PDZD7: variants seen among roughly 807,000 people sequenced by gnomAD.
The protein encoded by PDZD7 is PDZ domain containing 7, also known as PDZ domain-containing protein 7.
A neutral mutation model predicts 84.7 loss-of-function variants in PDZD7; 72 were observed. The observed-to-expected ratio is 0.85, with a 90% CI of 0.70 to 1.03. PDZD7 has a LOEUF of 1.03. Ranked by LOEUF, PDZD7 falls within the 50% of genes least tolerant of loss-of-function variation. The pLI is 0.00. For missense variants in PDZD7, 1,490 were observed against 1,412.9 expected (o/e 1.05, Z -0.87); for synonymous variants, 594 against 580.7 (o/e 1.02, Z -0.33).
chr10:101,011,476 A>T (rs2134002487), intron 14 of PDZD7: 1 of 1,350,206 alleles, frequency 7.4e-7, no homozygotes, highest in South Asian at 1.7e-5. Context: ...TTTAAAAGTG[A>T]GTGGGTTTCA....
rs1315654190 is a variant in PDZD7, at chr10:101,017,888, A to AAAG, written c.1522+208_1522+210dup. 3.1e-4 allele frequency: 62 copies of AAAG among 197,840 alleles called. 1 individual carries two copies. The highest frequency in any genetic ancestry group is 2.2e-3 in the African/African-American group (52 of 23,124). 12.3% of individuals were successfully genotyped at this position (197,840 alleles called of 1,614,324 possible). On this transcript the variant is annotated intron_variant, in intron 9 of 16. Coordinates refer to ENST00000619208, the MANE Select transcript of PDZD7 (RefSeq NM_001195263.2). Reference sequence around the variant, plus strand: ...GAAAGAAAGAAAGAAAGAAAGAAAGAAAGAAAAGAAAGAAAGAAAGAAAGA... The same window carrying AAAG: ...GAAAGAAAGAAAGAAAGAAAGAAAGAAAGAAGAAAAGAAAGAAAGAAAGAAAGA...
intron 12 of PDZD7, 41 bp downstream of exon 12, chr10:101,012,125 TC>T (rs1276801730): frequency 6.5e-7 from 1 of 1,542,144 alleles, no homozygotes; most frequent in East Asian, 2.5e-5. Flanking sequence ...GTACCAGGGA[TC>T]CCCTTCCTGC....
At chr10:101,013,693 G>A (rs1037959311) in intron 11 of PDZD7, among the ~76,000 whole-genome samples, 3 of 152,178 alleles carry the variant, frequency 2.0e-5, no homozygotes, top group African/African-American at 4.8e-5. Flanking sequence ...AAACCTATGC[G>A]GCGGCCGTGG....
Position 101,015,728 on chromosome 10 carries a change from C to A in PDZD7, c.1657G>T (p.Ala553Ser), listed in dbSNP as rs1852590394. ...ATGAGGGGCCGCCGGCTCTCCCAGG[C>A]CTGAACCTGCTCATCCACATTAGGC... ...QLPNVDEQVQ[A>S]WESRRPLIQD... is the part of the protein sequence containing the mutation. Residue 553 changes from alanine (A) to serine (S), a missense_variant, in exon 11 of 17, where the codon GCC becomes TCC. Physicochemically the swap from Ala to Ser is moderately conservative, Grantham distance 99. Coordinates refer to ENST00000619208, the MANE Select transcript of PDZD7 (RefSeq NM_001195263.2). 3 of 1,550,274 alleles carry A rather than the reference C, an allele frequency of 1.9e-6. No homozygotes were observed. The highest frequency in any genetic ancestry group is 3.9e-5 in the Admixed American group (2 of 51,008).
chr10:101,027,392 C>T (rs1937783363), intron 2 of PDZD7, among the ~76,000 whole-genome samples: 1 of 152,178 alleles, frequency 6.6e-6, no homozygotes, highest in Non-Finnish European at 1.5e-5. Flanking sequence ...TCCTCTTCCT[C>T]GTTCCCCTCC....
intron 2 of PDZD7, among the ~76,000 whole-genome samples, chr10:101,028,273 C>T (rs1937836615): frequency 6.6e-6 from 1 of 152,134 alleles, no homozygotes; most frequent in Admixed American, 6.6e-5. Flanking sequence ...AATCATGAAA[C>T]CCCTGGAAGA....
intron 9 of PDZD7, among the ~76,000 whole-genome samples, chr10:101,016,848 G>A (rs1226263745): frequency 2.0e-5 from 3 of 152,088 alleles, no homozygotes; most frequent in East Asian, 3.9e-4. Flanking sequence ...GAAGAGAGAT[G>A]CACTGACGGA....
rs2134004127 is a variant in PDZD7, at chr10:101,011,937, T to C, written c.1921A>G (p.Lys641Glu). ...LVELEAFEAL[K>E]SRAVRPPALR... ...CCCCACTGCTGACCTGCCCTGCTCT[T>C]GAGGGCCTCAAAAGCCTCCAGCTCC... The change falls in exon 13 of 17, where the codon AAG becomes GAG. Residue 641 changes from lysine to glutamate, a missense_variant. By Grantham distance (56) the Lys-to-Glu change is moderately conservative. Coordinates refer to ENST00000619208, the MANE Select transcript of PDZD7 (RefSeq NM_001195263.2). 1.9e-6 allele frequency: 3 copies of C among 1,550,292 alleles called. No individual in the cohort carries two copies. The highest frequency in any genetic ancestry group is 2.6e-6 in the Non-Finnish European group (3 of 1,146,988).
chr10:101,023,859 A>G (rs749812946), intron 3 of PDZD7, 69 bp downstream of exon 3: 2 of 1,610,478 alleles, frequency 1.2e-6, no homozygotes, highest in Admixed American at 1.7e-5. Context: ...TGACAGCAGC[A>G]TCCCCTGCCA....
Position 101,015,733 on chromosome 10 carries a change from A to T in PDZD7, c.1652T>A (p.Val551Asp). The T allele has an allele frequency of 1.3e-6, 2 of 1,550,034 alleles. No homozygotes were observed. The highest frequency in any genetic ancestry group is 2.4e-5 in the South Asian group (2 of 84,032). The change falls in exon 11 of 17, where the codon GTT becomes GAT. Residue 551 changes from valine (V) to aspartate (D), a missense_variant. Transcript: ENST00000619208. Reference sequence around the variant, plus strand: ...GGGCCGCCGGCTCTCCCAGGCCTGAACCTGCTCATCCACATTAGGCAGCTG... The same window carrying T: ...GGGCCGCCGGCTCTCCCAGGCCTGATCCTGCTCATCCACATTAGGCAGCTG... ...SSQLPNVDEQVQAWESRRPLI... is the reference protein window; with the variant it reads ...SSQLPNVDEQDQAWESRRPLI...
intron 11 of PDZD7, among the ~76,000 whole-genome samples, chr10:101,012,832 G>T (rs997457999): frequency 1.3e-5 from 2 of 152,202 alleles, no homozygotes; most frequent in South Asian, 4.1e-4. Flanking sequence ...GGCTTTGTTC[G>T]GGGCTAGAAT....
chr10:101,010,300 C>A lies in PDZD7; in HGVS notation c.2589G>T (p.Val863=). 1 of 1,534,510 alleles carries A rather than the reference C, an allele frequency of 6.5e-7. No individual in the cohort carries two copies. Among genetic ancestry groups the A allele is most frequent in the South Asian group, 1.2e-5 (1 of 84,032 alleles). The stretch of plus-strand genomic sequence containing the variant: ...AGGACTGCTTCATCTTGGACAGTGT[C>A]ACTGTCTTCAGCTCGCCACTGGGGT... ...MKNPSGELKT[V]TLSKMKQSLG... is the part of the protein sequence containing the mutation. The change falls in exon 15 of 17, where the codon GTG becomes GTT. Residue 863 remains valine (V), a synonymous_variant. Coordinates refer to ENST00000619208, the MANE Select transcript of PDZD7 (RefSeq NM_001195263.2).
rs561083835 is a variant in PDZD7 at position 101,019,358 on chromosome 10, T to G, written c.929-141A>C. The G allele has an allele frequency of 4.9e-6, 5 of 1,022,780 alleles. No individual in the cohort carries two copies. The East Asian group carries it at 7.9e-5, about 16-fold the overall frequency. The allele number at this position is 1,022,780 out of a possible 1,614,324, so 63.4% of individuals were successfully genotyped here. On this transcript the variant is annotated intron_variant, in intron 7 of 16. Transcript: ENST00000619208. ...AGAACCGCAGTGGTGAGGAACCCGCTGCTCCGAAATGCTGCCACTGACCTA... is the reference window on the plus strand; with the variant it reads ...AGAACCGCAGTGGTGAGGAACCCGCGGCTCCGAAATGCTGCCACTGACCTA...
At chr10:101,017,872 A>AAAGAAAGG (rs1852758816) in intron 9 of PDZD7, 1 of 385,888 alleles carries the variant, frequency 2.6e-6, no homozygotes, top group African/African-American at 2.9e-5. Flanking sequence ...AGAAAGAAAG[A>AAAGAAAGG]AAGAAAGAAA....
At position 101,007,823 on chromosome 10, in the gene PDZD7, T is replaced by C. The variant is rs1175760463; in HGVS notation, c.*644A>G. 1 of 262,100 alleles carries C rather than the reference T, an allele frequency of 3.8e-6. No homozygotes were observed. Among genetic ancestry groups the C allele is most frequent in the South Asian group, 1.3e-4 (1 of 7,732 alleles). The allele number at this position is 262,100 out of a possible 1,614,324, so 16.2% of individuals were successfully genotyped here. On this transcript the variant is annotated 3_prime_UTR_variant, in exon 17 of 17. Coordinates refer to ENST00000619208, the MANE Select transcript of PDZD7 (RefSeq NM_001195263.2). ...AAAGAAAAAATTAAAAAAAATTTTT[T>C]TGTTTAAAAATAATGTGAATGTGCT...
At chr10:101,018,720 C>A in intron 8 of PDZD7, 102 bp downstream of exon 8, 1 of 1,426,858 alleles carries the variant, frequency 7.0e-7, no homozygotes, top group South Asian at 1.5e-5. Context: ...AGGGCTTCGT[C>A]AAGGCCTGGG....
chr10:101,021,988 C>T (rs760644101), intron 5 of PDZD7, 43 bp from the exon 6 acceptor site: 4 of 1,609,122 alleles, frequency 2.5e-6, no homozygotes, highest in South Asian at 2.2e-5. Context: ...CCTGGCCTGC[C>T]CTCCGTTACC....
In PDZD7 at chr10:101,024,410, A is replaced by C. The variant is rs982746498; in HGVS notation, c.227-342T>G. Among the ~76,000 whole-genome samples, 10 of 151,880 alleles carry C rather than the reference A, an allele frequency of 6.6e-5. No individual in the cohort carries two copies. In the South Asian group the frequency reaches 1.9e-3, roughly 28 times the overall value. ...AGGCACACACCACTGTGCCTGGATT[A>C]ATTTTAAATTTTTTGTAGAGGCAGG... On this transcript the variant is annotated intron_variant, in intron 2 of 16. Transcript: ENST00000619208.
In PDZD7 at chr10:101,019,061, C is replaced by CT; in HGVS notation, c.1084_1085insA (p.Gly362GlufsTer48). 6 of 1,577,672 alleles carry CT rather than the reference C, an allele frequency of 3.8e-6. No homozygotes were observed. Among genetic ancestry groups the CT allele is most frequent in the Non-Finnish European group, 4.3e-6 (5 of 1,167,494 alleles). On this transcript the variant is annotated frameshift_variant, in exon 8 of 17. Transcript: ENST00000619208. LOFTEE classifies it high-confidence loss of function. ...CATGGCTGTGTCCGCCCGCCCCCAGCCTGGGCCGCGGCTGCCGGGCTCCTC... is the reference window on the plus strand; with the variant it reads ...CATGGCTGTGTCCGCCCGCCCCCAGCTCTGGGCCGCGGCTGCCGGGCTCCTC...
Sources: allele counts gnomAD v4.1 joint callset (sites outside exome capture counted in the v4.1 genomes callset), GRCh38; gene constraint gnomAD v4.1.1; transcripts MANE v1.5; gene names NCBI Gene and HGNC (gene_info 2026-07-23, HGNC 2026-07-21).